The following CASKIN2 variants were observed in gnomAD, a reference collection of about 807,000 sequenced individuals.
The protein encoded by CASKIN2 is CASK interacting protein 2, also known as caskin-2.
Under a neutral mutation model 107.1 loss-of-function variants are expected in CASKIN2, and 41 were observed. That is an observed-to-expected ratio of 0.38 (90% CI 0.30 to 0.50). The LOEUF (loss-of-function observed/expected upper bound fraction) is 0.50, where lower values mean the gene tolerates loss of function less well. Among genes scored for constraint, CASKIN2 ranks in the 20% least tolerant of loss-of-function variants. The pLI, the probability that CASKIN2 is intolerant of heterozygous loss-of-function variation, is 0.92. For synonymous variants in CASKIN2, 724 were observed against 705.6 expected (o/e 1.03, Z -0.41); for missense variants, 1,546 against 1,657.4 (o/e 0.93, Z 1.17).
rs758051377 is a variant in CASKIN2 at position 75,502,694 on chromosome 17, G to A, written c.2380C>T (p.Pro794Ser). The change falls in exon 18 of 20, where the codon CCT becomes TCT. Residue 794 changes from proline (P) to serine (S), a missense_variant. By Grantham distance (74) the Pro-to-Ser change is moderately conservative. This residue lies in a region of CASKIN2 where 1,311 missense variants were observed against 1,311.0 expected (regional missense o/e 1.00). Transcript: ENST00000321617. This position sits in a 1 kb window ranked among gnomAD's most constrained non-coding sequence, Gnocchi z 4.3. ...CTTAGGCTGTGGGACCGGCGCTTAG[G>A]TCGAGGCGGGTCTGGGGGAGTGGCA... Reference protein sequence around the residue: ...PPATPPDPPRPKRRSHSLSRP... With the variant: ...PPATPPDPPRSKRRSHSLSRP... The A allele has an allele frequency of 6.3e-7, 1 of 1,593,196 alleles. No individual in the cohort carries two copies. The highest frequency in any genetic ancestry group is 1.1e-5 in the South Asian group (1 of 89,312).
intron 3 of CASKIN2, 137 bp downstream of exon 3, chr17:75,508,097 G>T: frequency 1.0e-6 from 1 of 966,904 alleles, no homozygotes; most frequent in Non-Finnish European, 1.5e-6. Context: ...CCCACAGCTC[G>T]CAGCAAATAC....
chr17:75,506,944 C>G lies in CASKIN2; in HGVS notation c.390+40G>C. 1 of 1,612,308 alleles carries G rather than the reference C, an allele frequency of 6.2e-7. No homozygotes were observed. The highest frequency in any genetic ancestry group is 8.5e-7 in the Non-Finnish European group (1 of 1,179,128). ...GGGGCCTGGCCTGTCCGGCACCCCA[C>G]CCTGCCCTGCGCCACGCCCCTGTGG... is the stretch of plus-strand genomic sequence containing the variant. On this transcript the variant is annotated intron_variant, in intron 5 of 19. Coordinates refer to ENST00000321617, the MANE Select transcript of CASKIN2 (RefSeq NM_020753.5). This position sits in a 1 kb window ranked among gnomAD's most constrained non-coding sequence, Gnocchi z 4.8.
In CASKIN2 at chr17:75,505,523, A is replaced by G; in HGVS notation, c.930+34T>C. The G allele has an allele frequency of 1.3e-6, 2 of 1,593,974 alleles. No individual in the cohort carries two copies. Among genetic ancestry groups the G allele is most frequent in the Non-Finnish European group, 8.6e-7 (1 of 1,162,502 alleles). Reference sequence around the variant, plus strand: ...CAAATAAGTAACAGCAATCATTTGTATTTGCAAAGGAATGCCTGCTTGGGG... The same window carrying G: ...CAAATAAGTAACAGCAATCATTTGTGTTTGCAAAGGAATGCCTGCTTGGGG... On this transcript the variant is annotated intron_variant, in intron 10 of 19. Transcript: ENST00000321617. The surrounding 1 kb of genome is among the most constrained non-coding windows in gnomAD (Gnocchi z 5.1).
In CASKIN2 at chr17:75,502,917, G is replaced by A. The variant is rs2053218642; in HGVS notation, c.2157C>T (p.Pro719=). 7 of 1,560,258 alleles carry A rather than the reference G, an allele frequency of 4.5e-6. No individual in the cohort carries two copies. The highest frequency in any genetic ancestry group is 3.6e-5 in the South Asian group (3 of 82,310). ...GGGGGGGGCTGGGATCTCCACCGCT[G>A]GGCTGTGGGGCAGGCTGTTCCTGTG... ...GHSQEQPAPQ[P]SGGDPSPPQE... is the part of the protein sequence containing the mutation. Residue 719 remains proline, a synonymous_variant, in exon 18 of 20, where the codon CCC becomes CCT. Transcript: ENST00000321617. The surrounding 1 kb of genome is among the most constrained non-coding windows in gnomAD (Gnocchi z 4.3).
chr17:75,503,120 C>T lies in CASKIN2; in HGVS notation c.1954G>A (p.Glu652Lys), dbSNP rs1373632141. 1.5e-5 allele frequency: 24 copies of T among 1,606,764 alleles called. No individual in the cohort carries two copies. Among genetic ancestry groups the T allele is most frequent in the Non-Finnish European group, 1.9e-5 (22 of 1,178,254 alleles). Residue 652 changes from glutamate to lysine, a missense_variant, in exon 18 of 20, where the codon GAG (glutamate) becomes AAG (lysine). Physicochemically the swap from Glu to Lys is moderately conservative, Grantham distance 56 (BLOSUM62 1). Around this residue, in one of 6 missense-constraint regions of CASKIN2, gnomAD observed 1,311 missense variants for 1,311.0 expected, o/e 1.00. Transcript: ENST00000321617. Reference protein sequence around the residue: ...GPELMAIEGLENGEGPATAGP... With the variant: ...GPELMAIEGLKNGEGPATAGP... The stretch of plus-strand genomic sequence containing the variant: ...GCTGTAGCTGGGCCTTCTCCGTTCT[C>T]CAGTCCCTCGATGGCCATCAGCTCC...
Position 75,503,065 on chromosome 17 carries a change from C to T in CASKIN2, c.2009G>A (p.Ser670Asn), listed in dbSNP as rs1202784740. Residue 670 changes from serine (S) to asparagine (N), a missense_variant, in exon 18 of 20, where the codon AGC becomes AAC. This residue lies in a region of CASKIN2 where 1,311 missense variants were observed against 1,311.0 expected (regional missense o/e 1.00). Coordinates refer to ENST00000321617, the MANE Select transcript of CASKIN2 (RefSeq NM_020753.5). ...AGPRLLTFQG[S>N]ELSPELQAAM... ...CGCCTGTAGCTCTGGGCTTAGTTCG[C>T]TGCCCTGGAAGGTGAGGAGCCGTGG... The T allele has an allele frequency of 1.2e-6, 2 of 1,607,214 alleles. No homozygotes were observed. The highest frequency in any genetic ancestry group is 2.2e-5 in the East Asian group (1 of 44,762).
chr17:75,507,061 A>G lies in CASKIN2; in HGVS notation c.313T>C (p.Ser105Pro), dbSNP rs1159310815. Reference sequence around the variant, plus strand: ...AGCGAGGCGGCATTGACAGCCGCAGAGGCGCGCAGCAGCAGCCTCACAGGC... The same window carrying G: ...AGCGAGGCGGCATTGACAGCCGCAGGGGCGCGCAGCAGCAGCCTCACAGGC... ...LEPVRLLLRA[S>P]AAVNAASLDG... Residue 105 changes from serine (S) to proline (P), a missense_variant, in exon 5 of 20, where the codon TCT (serine) becomes CCT (proline). Around this residue, in one of 6 missense-constraint regions of CASKIN2, gnomAD observed 136 missense variants for 198.6 expected, o/e 0.68. Coordinates refer to ENST00000321617, the MANE Select transcript of CASKIN2 (RefSeq NM_020753.5). The G allele has an allele frequency of 6.2e-7, 1 of 1,612,414 alleles. No individual in the cohort carries two copies. Among genetic ancestry groups the G allele is most frequent in the Non-Finnish European group, 8.5e-7 (1 of 1,179,796 alleles).
chr17:75,514,539 C>G (rs2053340406), intron 1 of CASKIN2, among the ~76,000 whole-genome samples: 1 of 152,194 alleles, frequency 6.6e-6, no homozygotes, highest in Non-Finnish European at 1.5e-5. Context: ...CTGTTCTCCA[C>G]AGCCCGAGGC....
Position 75,503,206 on chromosome 17 carries a change from C to T in CASKIN2, c.1868G>A (p.Arg623Gln), listed in dbSNP as rs200947487. 707 of 1,595,090 alleles carry T rather than the reference C, an allele frequency of 4.4e-4. 1 individual carries two copies. The highest frequency in any genetic ancestry group is 1.7e-3 in the Admixed American group (99 of 58,486). ...MLGVKRLAEL[R>Q]RGLLQGEALS... ...GGCCTCCCCCTGCAGCAGGCCCCGC[C>T]GAAGCTCCGCCAGCCGCTTCACCCC... The change falls in exon 18 of 20, where the codon CGG becomes CAG. Residue 623 changes from arginine to glutamine, a missense_variant. Physicochemically the swap from Arg to Gln is conservative, Grantham distance 43. Around this residue, in one of 6 missense-constraint regions of CASKIN2, gnomAD observed 1,311 missense variants for 1,311.0 expected, o/e 1.00. Transcript: ENST00000321617.
At chr17:75,507,508 G>T in intron 4 of CASKIN2, 76 bp downstream of exon 4, 2 of 1,082,158 alleles carry the variant, frequency 1.8e-6, no homozygotes, top group Non-Finnish European at 2.8e-6. Context: ...TGTCATAGGA[G>T]CAAGCTCTGG....
rs1052691065 is a variant in CASKIN2 at position 75,502,317 on chromosome 17, TGGGCCAGGGGGCTCTGAG to T, written c.2739_2756del (p.Ser914_Pro919del). 2.7e-6 allele frequency: 4 copies of T among 1,488,180 alleles called. No individual in the cohort carries two copies. In the African/African-American group the frequency reaches 5.6e-5, roughly 21 times the overall value. 92.2% of individuals were successfully genotyped at this position (1,488,180 alleles called of 1,614,324 possible). ...CTGACGCGGGCCCAGCCGGGGCAGGTGGGCCAGGGGGCTCTGAGGGGCCAGCAGGTTCACTCAGTGTTC... is the reference window on the plus strand; with the variant it reads ...CTGACGCGGGCCCAGCCGGGGCAGGTGGGCCAGCAGGTTCACTCAGTGTTC... On this transcript the variant is annotated inframe_deletion, in exon 18 of 20. Coordinates refer to ENST00000321617, the MANE Select transcript of CASKIN2 (RefSeq NM_020753.5). This position sits in a 1 kb window ranked among gnomAD's most constrained non-coding sequence, Gnocchi z 4.3.
chr17:75,514,473 C>T (rs1305893568), intron 1 of CASKIN2, among the ~76,000 whole-genome samples: 1 of 152,170 alleles, frequency 6.6e-6, no homozygotes, highest in Non-Finnish European at 1.5e-5. Flanking sequence ...GTACCTCAAC[C>T]TTGGGCAGGA....
At position 75,506,152 on chromosome 17, in the gene CASKIN2, G is replaced by A. The variant is rs557719852; in HGVS notation, c.726+153C>T. 2.6e-5 allele frequency among the ~76,000 whole-genome samples: 4 copies of A among 152,214 alleles called. No individual in the cohort carries two copies. Among genetic ancestry groups the A allele is most frequent in the African/African-American group, 7.2e-5 (3 of 41,522 alleles). ...GGTCTGCCCCCGATCCATCTGCACC[G>A]CCTCGGCACCATTCAGAAGGAAGTC... is the stretch of plus-strand genomic sequence containing the variant. On this transcript the variant is annotated intron_variant, in intron 8 of 19. Coordinates refer to ENST00000321617, the MANE Select transcript of CASKIN2 (RefSeq NM_020753.5). This position sits in a 1 kb window ranked among gnomAD's most constrained non-coding sequence, Gnocchi z 4.8.
Position 75,513,859 on chromosome 17 carries a change from G to C in CASKIN2, c.-55C>G. 2 of 1,543,608 alleles carry C rather than the reference G, an allele frequency of 1.3e-6. No homozygotes were observed. Among genetic ancestry groups the C allele is most frequent in the Admixed American group, 1.7e-5 (1 of 59,400 alleles). ...GGAGTCCAGGGCAAAGGCAGGCAAC[G>C]GGTCCAAGCTGGGGCGTCAGGGCGC... On this transcript the variant is annotated 5_prime_UTR_variant, in exon 2 of 20. Coordinates refer to ENST00000321617, the MANE Select transcript of CASKIN2 (RefSeq NM_020753.5).
chr17:75,502,899 G>A lies in CASKIN2; in HGVS notation c.2175C>T (p.Ser725=). The change falls in exon 18 of 20, where the codon AGC becomes AGT. Residue 725 remains serine, a synonymous_variant. Transcript: ENST00000321617. This position sits in a 1 kb window ranked among gnomAD's most constrained non-coding sequence, Gnocchi z 4.3. ...PAPQPSGGDP[S]PPQERNLPEG... ...CTGGGAGGTTCCTCTCCTGGGGGGG[G>A]CTGGGATCTCCACCGCTGGGCTGTG... The A allele has an allele frequency of 1.3e-6, 2 of 1,546,550 alleles. No homozygotes were observed. The highest frequency in any genetic ancestry group is 1.9e-5 in the Admixed American group (1 of 52,488).
intron 2 of CASKIN2, among the ~76,000 whole-genome samples, chr17:75,512,580 G>A (rs1277961369): frequency 6.6e-6 from 1 of 152,128 alleles, no homozygotes; most frequent in African/African-American, 2.4e-5. Flanking sequence ...AGAGAGTGTT[G>A]AACTTTTTTT....
Position 75,502,645 on chromosome 17 carries a change from TC to T in CASKIN2, c.2428del (p.Asp810MetfsTer14). The T allele has an allele frequency of 6.3e-7, 1 of 1,598,542 alleles. No individual in the cohort carries two copies. Among genetic ancestry groups the T allele is most frequent in the Non-Finnish European group, 8.5e-7 (1 of 1,174,542 alleles). On this transcript the variant is annotated frameshift_variant, in exon 18 of 20. Coordinates refer to ENST00000321617, the MANE Select transcript of CASKIN2 (RefSeq NM_020753.5). LOFTEE classifies it high-confidence loss of function. This position sits in a 1 kb window ranked among gnomAD's most constrained non-coding sequence, Gnocchi z 4.3. Reference protein sequence around the residue: ...SLSRPGPTEGDAEGEAEGPVG... With the variant: ...SLSRPGPTEGXAEGEAEGPVG... ...TGGCCCTTCGGCCTCCCCCTCAGCA[TC>T]CCCCTCTGTGGGGCCAGGGCGGCTT...
chr17:75,504,660 C>A lies in CASKIN2; in HGVS notation c.1226G>T (p.Ser409Ile). The change falls in exon 12 of 20, where the codon AGC (serine) becomes ATC (isoleucine). Residue 409 changes from serine to isoleucine, a missense_variant. By Grantham distance (142) the Ser-to-Ile change is moderately radical. Transcript: ENST00000321617. ...GCCGGCACTGCGGATGCTGCCCACGCTGCCCTCACTGCCCACACTATTCCT... is the reference window on the plus strand; with the variant it reads ...GCCGGCACTGCGGATGCTGCCCACGATGCCCTCACTGCCCACACTATTCCT... ...GDRNSVGSEG[S>I]VGSIRSAGSG... The A allele has an allele frequency of 6.2e-7, 1 of 1,602,908 alleles. No individual in the cohort carries two copies. Among genetic ancestry groups the A allele is most frequent in the Non-Finnish European group, 8.5e-7 (1 of 1,173,784 alleles).
Position 75,500,805 on chromosome 17 carries a change from T to C in CASKIN2, c.*275A>G. The C allele has an allele frequency of 1.9e-5, 8 of 420,058 alleles. 1 individual carries two copies. The highest frequency in any genetic ancestry group is 1.6e-4 in the South Asian group (7 of 43,202). The allele number at this position is 420,058 out of a possible 1,614,324, so 26.0% of individuals were successfully genotyped here. A position where few individuals can be genotyped will look rare whatever the true frequency, so the allele number is the denominator to read the frequency against. On this transcript the variant is annotated 3_prime_UTR_variant, in exon 20 of 20. Coordinates refer to ENST00000321617, the MANE Select transcript of CASKIN2 (RefSeq NM_020753.5). The stretch of plus-strand genomic sequence containing the variant: ...AGGAGAGAGCTCTTACCAGGGTCCC[T>C]GTCCAGGAGCAGGGCTGTCCTGCTC...
Sources: gnomAD v4.1 joint callset for allele counts (sites outside exome capture counted in the v4.1 genomes callset) on GRCh38, gnomAD v4.1.1 for gene constraint, gnomAD v4.1.1 regional missense constraint, Gnocchi (gnomAD v3.1) non-coding constraint, MANE v1.5 for transcripts, NCBI Gene and HGNC (gene_info 2026-07-23, HGNC 2026-07-21) for gene names.